The following C19orf38 variants were observed in gnomAD, a reference collection of about 807,000 sequenced individuals.
The protein encoded by C19orf38 is chromosome 19 open reading frame 38.
Under a neutral mutation model 26.6 loss-of-function variants are expected in C19orf38, and 14 were observed. The ratio of observed to expected loss-of-function variants is 0.53; its 90% CI spans 0.35 to 0.82. The LOEUF (loss-of-function observed/expected upper bound fraction) is 0.82. C19orf38 is among the 40% of genes least tolerant of loss of function. The pLI is 0.01. For synonymous variants in C19orf38, 132 were observed against 128.5 expected, an observed-to-expected ratio of 1.03 and a Z score of -0.18; for missense variants, 261 against 299.5, an observed-to-expected ratio of 0.87 and a Z score of 0.95.
intron 1 of C19orf38, among the ~76,000 whole-genome samples, chr19:10,840,797 G>GT (rs2073472859): frequency 6.6e-6 from 1 of 152,212 alleles, no homozygotes; most frequent in Non-Finnish European, 1.5e-5. Context: ...GATTACAGGC[G>GT]TAAGCCACCG....
At chr19:10,841,737 C>T in intron 1 of C19orf38, 2 of 673,898 alleles carry the variant, frequency 3.0e-6, no homozygotes, top group South Asian at 3.6e-5. Flanking sequence ...TTTTGGGCGG[C>T]CAAGTTGGGA....
intron 2 of C19orf38, among the ~76,000 whole-genome samples, chr19:10,854,385 C>T (rs977212928): frequency 6.6e-6 from 1 of 152,154 alleles, no homozygotes; most frequent in African/African-American, 2.4e-5. Context: ...TTAAAAAGAA[C>T]TTTTTCACTG....
intron 6 of C19orf38, among the ~76,000 whole-genome samples, chr19:10,868,186 A>G (rs1445764124): frequency 6.6e-6 from 1 of 152,154 alleles, no homozygotes; most frequent in African/African-American, 2.4e-5. Flanking sequence ...GCAGCAGCTG[A>G]CCTGTCTCTA....
At chr19:10,849,713 A>T (rs1474778404) in intron 1 of C19orf38, among the ~76,000 whole-genome samples, 1 of 140,846 alleles carries the variant, frequency 7.1e-6, no homozygotes, top group Non-Finnish European at 1.5e-5. Context: ...AAGTAATAAT[A>T]AATTAAATAA....
intron 1 of C19orf38, among the ~76,000 whole-genome samples, chr19:10,849,963 G>T (rs553554017): frequency 7.2e-5 from 11 of 152,224 alleles, no homozygotes; most frequent in African/African-American, 2.6e-4. Context: ...TACTTGGGAG[G>T]CTGGAGAATC....
intron 6 of C19orf38, among the ~76,000 whole-genome samples, chr19:10,863,822 A>G (rs1202924603): frequency 6.6e-6 from 1 of 152,096 alleles, no homozygotes; most frequent in Non-Finnish European, 1.5e-5. Context: ...CTGAGACAGG[A>G]GAATCACTTG....
At chr19:10,860,004 C>A (rs1372924630) in intron 5 of C19orf38, 46 bp downstream of exon 5, 1 of 1,514,592 alleles carries the variant, frequency 6.6e-7, no homozygotes, top group South Asian at 1.2e-5. Context: ...AGGATTACAC[C>A]TCCAAATGCC....
At chr19:10,859,348 G>GTATATATA (rs1164393634) in intron 4 of C19orf38, among the ~76,000 whole-genome samples, 16 of 55,934 alleles carry the variant, frequency 2.9e-4, no homozygotes, top group Admixed American at 8.0e-4. Flanking sequence ...GTGTGTGTGT[G>GTATATATA]TATATATATA....
upstream of C19orf38, among the ~76,000 whole-genome samples, chr19:10,843,825 A>G (rs893994591): frequency 6.6e-6 from 1 of 152,234 alleles, no homozygotes. Context: ...AGCTGTGTTA[A>G]GATATCATGA....
At chr19:10,844,113 A>T (rs373857122), upstream of C19orf38, among the ~76,000 whole-genome samples, 3 of 142,540 alleles carry the variant, frequency 2.1e-5, no homozygotes, top group Non-Finnish European at 4.7e-5. Context: ...GACCATGTCT[A>T]AAAAAAAAAA....
chr19:10,866,933 A>C (rs2073757475), intron 6 of C19orf38, among the ~76,000 whole-genome samples: 1 of 151,866 alleles, frequency 6.6e-6, no homozygotes, highest in African/African-American at 2.4e-5. Flanking sequence ...GAGCCACTGC[A>C]CCCAGCCTAA....
At chr19:10,866,357 ATT>A (rs71164128) in intron 6 of C19orf38, among the ~76,000 whole-genome samples, 87 of 125,606 alleles carry the variant, frequency 6.9e-4, no homozygotes, top group Middle Eastern at 9.3e-3. Flanking sequence ...TGCCCAGCTA[ATT>A]TTTTTTTTTT....
At chr19:10,842,203 A>T in intron 1 of C19orf38, 2 of 1,483,272 alleles carry the variant, frequency 1.3e-6, no homozygotes, top group South Asian at 2.3e-5. Context: ...AAATGGTATG[A>T]AAACTTTCAG....
intron 6 of C19orf38, among the ~76,000 whole-genome samples, chr19:10,863,663 T>C (rs1171763958): frequency 3.3e-5 from 5 of 149,938 alleles, no homozygotes; most frequent in Non-Finnish European, 7.4e-5. Context: ...GACTCACGTC[T>C]GTAATCCCAG....
intron 1 of C19orf38, among the ~76,000 whole-genome samples, chr19:10,842,748 C>T (rs920236261): frequency 6.6e-6 from 1 of 151,762 alleles, no homozygotes; most frequent in African/African-American, 2.4e-5. Flanking sequence ...AAAAAAAAAA[C>T]CAGAATTCCA....
At chr19:10,848,948 ACT>A (rs1374883640) in intron 1 of C19orf38, among the ~76,000 whole-genome samples, 2 of 151,776 alleles carry the variant, frequency 1.3e-5, no homozygotes, top group Admixed American at 6.6e-5. Context: ...CTGGCCAGAC[ACT>A]CTGCTCAGAA....
intron 3 of C19orf38, among the ~76,000 whole-genome samples, chr19:10,857,920 AAGAAAG>A (rs2073647243): frequency 6.7e-6 from 1 of 149,450 alleles, no homozygotes; most frequent in East Asian, 2.0e-4. Context: ...GAAAGAAAGA[AAGAAAG>A]AAAGAAAAAT....
At chr19:10,867,985 G>A (rs2073768921) in intron 6 of C19orf38, among the ~76,000 whole-genome samples, 1 of 152,060 alleles carries the variant, frequency 6.6e-6, no homozygotes, top group African/African-American at 2.4e-5. Context: ...ATCATATTGT[G>A]TTGTATGGAT....
intron 1 of C19orf38, chr19:10,841,997 C>T: frequency 6.2e-7 from 1 of 1,610,482 alleles, no homozygotes; most frequent in South Asian, 1.1e-5. Context: ...GAGAAGGAAG[C>T]CAACATCCTT....
Sources: allele counts gnomAD v4.1 joint callset (sites outside exome capture counted in the v4.1 genomes callset), GRCh38; gene constraint gnomAD v4.1.1; transcripts MANE v1.5; gene names NCBI Gene and HGNC (gene_info 2026-07-23, HGNC 2026-07-21).